Variants in ESR1 observed in about 807,000 individuals in gnomAD.
The protein encoded by ESR1 is estrogen receptor.
Under a neutral mutation model 52.7 loss-of-function variants are expected in ESR1, and 12 were observed. That is an observed-to-expected ratio of 0.23 (90% CI 0.15 to 0.37). The LOEUF is 0.37. Among genes scored for constraint, ESR1 ranks in the 10% least tolerant of loss-of-function variants. ESR1 has a pLI of 1.00. For missense variants in ESR1, 584 were observed against 779.7 expected, an observed-to-expected ratio of 0.75 and a Z score of 2.99; for synonymous variants, 305 against 316.8, an observed-to-expected ratio of 0.96 and a Z score of 0.39.
At chr6:151,791,784 G>A in intron 2 of ESR1, among the ~76,000 whole-genome samples, 1 of 152,272 alleles carries the variant, frequency 6.6e-6, no homozygotes, top group Admixed American at 6.5e-5. Context: ...ATTTCAGATA[G>A]TATAATAATA....
intron 2 of ESR1, among the ~76,000 whole-genome samples, chr6:151,852,639 G>GTTTTTTTT (rs35050297): frequency 7.8e-6 from 1 of 127,902 alleles, no homozygotes; most frequent in Non-Finnish European, 1.6e-5. Flanking sequence ...CCAAGCAGGT[G>GTTTTTTTT]TTTTTTTTTT....
At chr6:151,745,843 A>G (rs1207885954) in intron 2 of ESR1, among the ~76,000 whole-genome samples, 1 of 152,162 alleles carries the variant, frequency 6.6e-6, no homozygotes, top group Non-Finnish European at 1.5e-5. Context: ...AGAGCTTTTC[A>G]TCTTGTAAAA....
At chr6:151,953,090 A>G (rs937020252) in intron 4 of ESR1, among the ~76,000 whole-genome samples, 3 of 152,164 alleles carry the variant, frequency 2.0e-5, no homozygotes, top group Admixed American at 6.5e-5. Context: ...CGTTCTTAGA[A>G]TGGCCCTGAA....
chr6:151,912,444 A>G (rs1214905049), intron 3 of ESR1, among the ~76,000 whole-genome samples: 1 of 152,134 alleles, frequency 6.6e-6, no homozygotes, highest in African/African-American at 2.4e-5. Context: ...AAACAATTTG[A>G]TCATAGAGGT....
chr6:151,716,568 A>G (rs1174712050), intron 2 of ESR1, among the ~76,000 whole-genome samples: 1 of 152,150 alleles, frequency 6.6e-6, no homozygotes, highest in Non-Finnish European at 1.5e-5. Flanking sequence ...TGGCTACAGC[A>G]GCTTTGCTGA....
intron 2 of ESR1, among the ~76,000 whole-genome samples, chr6:151,783,010 A>T (rs547783034): frequency 2.0e-5 from 3 of 152,342 alleles, no homozygotes; most frequent in Admixed American, 2.0e-4. Flanking sequence ...TGTATCTTAG[A>T]TTAATTCCTC....
intron 6 of ESR1, among the ~76,000 whole-genome samples, chr6:152,087,359 T>G (rs1319679643): frequency 6.6e-6 from 1 of 152,212 alleles, no homozygotes; most frequent in Non-Finnish European, 1.5e-5. Flanking sequence ...TTATTCCTCT[T>G]TATACAAACG....
chr6:151,865,437 A>G (rs1390882914), intron 2 of ESR1, among the ~76,000 whole-genome samples: 2 of 152,198 alleles, frequency 1.3e-5, no homozygotes, highest in East Asian at 3.9e-4. Context: ...ATCAACGGAC[A>G]TATCAAGAAT....
At chr6:151,950,918 G>T (rs1321149905) in intron 4 of ESR1, among the ~76,000 whole-genome samples, 3 of 151,798 alleles carry the variant, frequency 2.0e-5, no homozygotes, top group Non-Finnish European at 4.4e-5. Context: ...TGAGGCAAAA[G>T]AAATAAGGAG....
chr6:151,756,525 G>A (rs1369613218), intron 2 of ESR1, among the ~76,000 whole-genome samples: 3 of 152,122 alleles, frequency 2.0e-5, no homozygotes, highest in Non-Finnish European at 4.4e-5. Context: ...TCCTGTGTAT[G>A]CTACCTATTT....
intron 2 of ESR1, among the ~76,000 whole-genome samples, chr6:151,858,996 G>T (rs1220901430): frequency 6.6e-6 from 1 of 152,176 alleles, no homozygotes; most frequent in Admixed American, 6.5e-5. Flanking sequence ...GGTTACAGTA[G>T]CATTCTTCTA....
In ESR1 at chr6:151,944,297, G is replaced by A. The variant is rs368367164; in HGVS notation, c.885G>A (p.Pro295=). ...DMRAANLWPS[P]LMIKRSKKNS... is the part of the protein sequence containing the mutation. ...GAGCTGCCAACCTTTGGCCAAGCCC[G>A]CTCATGATCAAACGCTCTAAGAAGA... The change falls in exon 4 of 8, where the codon CCG becomes CCA. Residue 295 remains proline (P), a synonymous_variant. Coordinates refer to ENST00000206249, the MANE Select transcript of ESR1 (RefSeq NM_000125.4). 2.9e-4 allele frequency: 461 copies of A among 1,614,140 alleles called. No individual in the cohort carries two copies. Among genetic ancestry groups the A allele is most frequent in the African/African-American group, 4.7e-4 (35 of 75,018 alleles).
intron 2 of ESR1, among the ~76,000 whole-genome samples, chr6:151,862,277 T>C (rs781603044): frequency 1.3e-5 from 2 of 152,176 alleles, no homozygotes; most frequent in Non-Finnish European, 2.9e-5. Context: ...TTGTGTTCTG[T>C]TGCCTTCTCC....
intron 3 of ESR1, among the ~76,000 whole-genome samples, chr6:151,897,840 G>A (rs1795792883): frequency 1.3e-5 from 2 of 152,132 alleles, no homozygotes; most frequent in Admixed American, 1.3e-4. Context: ...TTTGTTTCAA[G>A]ATTTGGAGCT....
Position 151,797,591 on chromosome 6 carries a change from A to G in ESR1, c.-70-10252A>G, listed in dbSNP as rs111253251. 1.2e-3 allele frequency among the ~76,000 whole-genome samples: 179 copies of G among 152,348 alleles called. 1 individual carries two copies. The highest frequency in any genetic ancestry group is 4.0e-3 in the African/African-American group (166 of 41,584). ...CTATTTGATTTGACTGCTGTTGAAT[A>G]TGTTCCATGACATCCATAAGTCTAC... On this transcript the variant is annotated intron_variant, in intron 2 of 2. Coordinates refer to the ESR1 transcript ENST00000404742.
chr6:151,861,189 G>T (rs1788822889), intron 2 of ESR1, among the ~76,000 whole-genome samples: 1 of 152,062 alleles, frequency 6.6e-6, no homozygotes, highest in Non-Finnish European at 1.5e-5. Flanking sequence ...TTTCCATTCA[G>T]CCTGCTATGT....
intron 6 of ESR1, among the ~76,000 whole-genome samples, chr6:152,121,446 C>T (rs548855477): frequency 5.9e-5 from 9 of 152,132 alleles, no homozygotes; most frequent in African/African-American, 1.2e-4. Flanking sequence ...GAAAGGTTTC[C>T]GGAAACAAGA....
intron 1 of ESR1, among the ~76,000 whole-genome samples, chr6:151,669,188 G>GAGAGAGAGAGAGAGAA (rs1180447459): frequency 8.9e-6 from 1 of 112,558 alleles, no homozygotes; most frequent in African/African-American, 3.0e-5. Context: ...GAGAGAGAGA[G>GAGAGAGAGAGAGAGAA]ATGGGAATCC....
In ESR1 at chr6:151,853,298, A is replaced by G. The variant is rs143603313; in HGVS notation, c.643+10511A>G. On this transcript the variant is annotated intron_variant, in intron 2 of 7. Transcript: ENST00000206249. ...GCTAGGTGTTTGGCTACTGTTTCTC[A>G]TCAGAGAAATAGAAAGACACACCAT... 5.2e-3 allele frequency among the ~76,000 whole-genome samples: 785 copies of G among 152,094 alleles called. 8 individuals carry two copies. The highest frequency in any genetic ancestry group is 0.018 in the African/African-American group (746 of 41,510).
Sources: gnomAD v4.1 joint callset for allele counts (sites outside exome capture counted in the v4.1 genomes callset) on GRCh38, gnomAD v4.1.1 for gene constraint, MANE v1.5 for transcripts, NCBI Gene and HGNC (gene_info 2026-07-23, HGNC 2026-07-21) for gene names.